OPCML: variants seen among roughly 807,000 people sequenced by gnomAD.
The protein encoded by OPCML is opioid-binding protein/cell adhesion molecule.
OPCML carries 13 observed loss-of-function variants against 37.8 expected under a neutral mutation model. The observed-to-expected ratio is 0.34, with a 90% CI of 0.22 to 0.55. OPCML has a LOEUF of 0.55. Among genes scored for constraint, OPCML ranks in the 20% least tolerant of loss-of-function variants. OPCML has a pLI of 0.91. For synonymous variants in OPCML, 176 were observed against 168.8 expected, an observed-to-expected ratio of 1.04 and a Z score of -0.33; for missense variants, 341 against 435.6, an observed-to-expected ratio of 0.78 and a Z score of 1.93.
At chr11:132,806,297 T>C (rs955668383) in intron 2 of OPCML, among the ~76,000 whole-genome samples, 4 of 152,120 alleles carry the variant, frequency 2.6e-5, no homozygotes, top group African/African-American at 4.8e-5. Flanking sequence ...GGATTTAAAA[T>C]GCCAATTAAA....
intron 1 of OPCML, among the ~76,000 whole-genome samples, chr11:133,053,438 C>T (rs1039791013): frequency 3.3e-5 from 5 of 152,214 alleles, no homozygotes; most frequent in African/African-American, 4.8e-5. Context: ...TAAAAGATCA[C>T]ATATGCTCTC....
At chr11:132,839,641 C>A (rs1941202458) in intron 2 of OPCML, among the ~76,000 whole-genome samples, 1 of 152,136 alleles carries the variant, frequency 6.6e-6, no homozygotes, top group Admixed American at 6.5e-5. Context: ...GTTGTTGACG[C>A]TGATTATTTA....
At chr11:132,934,410 A>T (rs919409500) in intron 2 of OPCML, among the ~76,000 whole-genome samples, 7 of 152,204 alleles carry the variant, frequency 4.6e-5, no homozygotes, top group Non-Finnish European at 8.8e-5. Context: ...GGAACCTAGC[A>T]GCAAGTGAGA....
chr11:132,969,220 A>T (rs1946285759), intron 1 of OPCML, among the ~76,000 whole-genome samples: 2 of 147,044 alleles, frequency 1.4e-5, no homozygotes, highest in Non-Finnish European at 3.0e-5. Flanking sequence ...TGACTCTTTT[A>T]AAAATACCAT....
At chr11:133,199,914 T>C (rs1938698900) in intron 1 of OPCML, among the ~76,000 whole-genome samples, 1 of 152,222 alleles carries the variant, frequency 6.6e-6, no homozygotes, top group Admixed American at 6.5e-5. Context: ...TGCTCAAATA[T>C]GTTTATGAAA....
At chr11:132,545,518 C>T (rs1305210672) in intron 3 of OPCML, among the ~76,000 whole-genome samples, 1 of 152,156 alleles carries the variant, frequency 6.6e-6, no homozygotes, top group East Asian at 1.9e-4. Context: ...AAAGTTGATA[C>T]ATTAACATAA....
intron 1 of OPCML, among the ~76,000 whole-genome samples, chr11:133,249,462 G>T (rs1406168415): frequency 1.3e-5 from 2 of 152,108 alleles, no homozygotes; most frequent in Non-Finnish European, 2.9e-5. Flanking sequence ...CTCCAACATT[G>T]CGGATCAAAT....
intron 1 of OPCML, chr11:133,420,196 T>G (rs943998893): frequency 4.3e-6 from 4 of 921,610 alleles, no homozygotes; most frequent in Non-Finnish European, 5.2e-6. Context: ...CACAAGTACT[T>G]TTTTTTTTTC....
At chr11:133,076,434 A>T (rs916970477) in intron 1 of OPCML, among the ~76,000 whole-genome samples, 10 of 152,314 alleles carry the variant, frequency 6.6e-5, no homozygotes, top group African/African-American at 2.4e-4. Flanking sequence ...CCTGCAAAGA[A>T]AAATGTCCCT....
At chr11:133,086,404 T>C (rs1948819203) in intron 1 of OPCML, among the ~76,000 whole-genome samples, 1 of 152,138 alleles carries the variant, frequency 6.6e-6, no homozygotes, top group Non-Finnish European at 1.5e-5. Context: ...ACTTGGAGAA[T>C]AATATAAATA....
chr11:132,436,628 C>T, intron 6 of OPCML, 31 bp downstream of exon 6: 2 of 1,612,126 alleles, frequency 1.2e-6, no homozygotes, highest in East Asian at 2.2e-5. Flanking sequence ...AGCTCTGCTT[C>T]AGAACTGTCC....
chr11:133,278,126 C>A (rs1223000813), intron 1 of OPCML, among the ~76,000 whole-genome samples: 1 of 152,150 alleles, frequency 6.6e-6, no homozygotes, highest in Non-Finnish European at 1.5e-5. Flanking sequence ...TCAGCCTCCA[C>A]CATGACGGGC....
intron 1 of OPCML, among the ~76,000 whole-genome samples, chr11:133,325,527 T>C (rs892992452): frequency 1.3e-5 from 2 of 152,236 alleles, no homozygotes; most frequent in African/African-American, 4.8e-5. Context: ...AGAGATTATA[T>C]ATATATGTTT....
chr11:133,413,382 G>T (rs1945691693), intron 1 of OPCML, among the ~76,000 whole-genome samples: 1 of 151,886 alleles, frequency 6.6e-6, no homozygotes, highest in African/African-American at 2.4e-5. Context: ...AATGCTAGAT[G>T]ACGAGTTAGT....
At chr11:132,632,374 C>G (rs1422660057) in intron 3 of OPCML, among the ~76,000 whole-genome samples, 1 of 150,112 alleles carries the variant, frequency 6.7e-6, no homozygotes, top group African/African-American at 2.5e-5. Flanking sequence ...CGTTCCTTAA[C>G]TCATTACACC....
At chr11:132,664,683 T>C (rs1942146342) in intron 2 of OPCML, among the ~76,000 whole-genome samples, 1 of 152,198 alleles carries the variant, frequency 6.6e-6, no homozygotes, top group South Asian at 2.1e-4. Flanking sequence ...TATTCTAAAT[T>C]GCAAAAGCTG....
At chr11:133,151,302 C>T (rs2137191319) in intron 1 of OPCML, among the ~76,000 whole-genome samples, 1 of 151,644 alleles carries the variant, frequency 6.6e-6, no homozygotes, top group Middle Eastern at 3.4e-3. Context: ...ATTCATGAAC[C>T]CCAGGGGAAA....
At chr11:132,713,790 C>T (rs563906455) in intron 2 of OPCML, among the ~76,000 whole-genome samples, 1 of 152,318 alleles carries the variant, frequency 6.6e-6, no homozygotes, top group South Asian at 2.1e-4. Context: ...CGTTCTCCAC[C>T]TGCAGGAAGC....
intron 1 of OPCML, among the ~76,000 whole-genome samples, chr11:133,461,663 CA>C (rs1946861516): frequency 6.6e-6 from 1 of 151,748 alleles, no homozygotes; most frequent in South Asian, 2.1e-4. Flanking sequence ...AATGGAAAGA[CA>C]ACCCATGTTC....
Sources: gnomAD v4.1 joint callset for allele counts (sites outside exome capture counted in the v4.1 genomes callset) on GRCh38, gnomAD v4.1.1 for gene constraint, MANE v1.5 for transcripts, NCBI Gene and HGNC (gene_info 2026-07-23, HGNC 2026-07-21) for gene names.